The following DLGAP2 variants were observed in gnomAD, a reference collection of about 807,000 sequenced individuals.
DLGAP2 encodes the protein disks large-associated protein 2.
DLGAP2 carries 26 observed loss-of-function variants against 100.3 expected under a neutral mutation model. The observed-to-expected ratio is 0.26, with a 90% CI of 0.19 to 0.36. The LOEUF is 0.36. Among genes scored for constraint, DLGAP2 ranks in the 10% least tolerant of loss-of-function variants. DLGAP2 has a pLI of 1.00. For synonymous variants in DLGAP2, 886 were observed against 630.1 expected (o/e 1.41, Z -6.08); for missense variants, 1,858 against 1,453.2 (o/e 1.28, Z -4.53).
chr8:1,499,528 T>C (rs369216980), intron 3 of DLGAP2, among the ~76,000 whole-genome samples: 13 of 152,318 alleles, frequency 8.5e-5, no homozygotes, highest in East Asian at 3.9e-4. Flanking sequence ...AATGAGACCA[T>C]TCCAGTCTGT....
At chr8:1,499,783 C>T (rs1034178474) in intron 3 of DLGAP2, among the ~76,000 whole-genome samples, 6 of 152,192 alleles carry the variant, frequency 3.9e-5, no homozygotes, top group Admixed American at 1.3e-4. Context: ...ACCTGAGAGG[C>T]GACCGTATCC....
chr8:1,698,568 T>C (rs867232027), intron 14 of DLGAP2, among the ~76,000 whole-genome samples: 23 of 150,158 alleles, frequency 1.5e-4, no homozygotes, highest in Middle Eastern at 3.6e-3. Flanking sequence ...AAGTAAGCCA[T>C]GCATGGGACT....
rs545957466 is a variant in DLGAP2, at chr8:1,298,938, G to A, written c.106+40055G>A. ...GGGGGAGAACCTCTTCCCAGGGCCAGGGTCGAGCTGCGGCATTCACGTCTG... is the reference window on the plus strand; with the variant it reads ...GGGGGAGAACCTCTTCCCAGGGCCAAGGTCGAGCTGCGGCATTCACGTCTG... On this transcript the variant is annotated intron_variant, in intron 3 of 14. Coordinates refer to ENST00000637795, the MANE Select transcript of DLGAP2 (RefSeq NM_001346810.2). Among the ~76,000 whole-genome samples, 65 of 152,206 alleles carry A rather than the reference G, an allele frequency of 4.3e-4. 1 individual carries two copies. Among genetic ancestry groups the A allele is most frequent in the African/African-American group, 1.5e-3 (64 of 41,542 alleles).
chr8:1,191,665 C>G (rs866465735), intron 2 of DLGAP2, among the ~76,000 whole-genome samples: 14 of 152,146 alleles, frequency 9.2e-5, no homozygotes, highest in African/African-American at 2.9e-4. Context: ...AGCTTCAAAA[C>G]ATTAGAAATC....
intron 3 of DLGAP2, among the ~76,000 whole-genome samples, chr8:1,372,176 G>A (rs1449116828): frequency 6.6e-6 from 1 of 151,666 alleles, no homozygotes; most frequent in Non-Finnish European, 1.5e-5. Flanking sequence ...GGTCACCGTG[G>A]CGCCAACGCT....
intron 2 of DLGAP2, among the ~76,000 whole-genome samples, chr8:1,253,015 C>G (rs1448374657): frequency 6.6e-6 from 1 of 152,202 alleles, no homozygotes; most frequent in East Asian, 1.9e-4. Context: ...CCTCCCAGCA[C>G]CAGCCCTCAT....
chr8:767,315 G>A (rs1821239159), intron 1 of DLGAP2, among the ~76,000 whole-genome samples: 1 of 151,618 alleles, frequency 6.6e-6, no homozygotes, highest in African/African-American at 2.4e-5. Flanking sequence ...CAAAGGCACA[G>A]GTACAGGTGT....
At chr8:1,252,684 G>A (rs528783037) in intron 2 of DLGAP2, among the ~76,000 whole-genome samples, 27 of 152,340 alleles carry the variant, frequency 1.8e-4, no homozygotes, top group Non-Finnish European at 2.4e-4. Context: ...AGGTGCTAGC[G>A]AGGCCGCCGG....
At chr8:1,419,676 C>G (rs893983357) in intron 3 of DLGAP2, among the ~76,000 whole-genome samples, 1 of 152,134 alleles carries the variant, frequency 6.6e-6, no homozygotes, top group African/African-American at 2.4e-5. Flanking sequence ...CTGTCTCACT[C>G]CAGTTAGAAT....
At chr8:1,272,882 G>C (rs1799611128) in intron 3 of DLGAP2, among the ~76,000 whole-genome samples, 1 of 152,144 alleles carries the variant, frequency 6.6e-6, no homozygotes, top group Non-Finnish European at 1.5e-5. Flanking sequence ...AGGGTGTGTA[G>C]TTTTCATCAG....
At chr8:772,647 TC>T (rs1466500758) in intron 1 of DLGAP2, among the ~76,000 whole-genome samples, 1 of 152,174 alleles carries the variant, frequency 6.6e-6, no homozygotes, top group Non-Finnish European at 1.5e-5. Flanking sequence ...TACTGTCTTT[TC>T]TTTGGTACTA....
intron 4 of DLGAP2, among the ~76,000 whole-genome samples, chr8:1,506,432 G>A (rs958280371): frequency 1.3e-5 from 2 of 152,290 alleles, no homozygotes; most frequent in Non-Finnish European, 1.5e-5. Context: ...CGTTTTTGGA[G>A]TTTCTTCCTT....
rs201068222 is a variant in DLGAP2, at chr8:1,626,826, C to G, written c.1529C>G (p.Ser510Cys). ...AANYNSPKFR[S>C]RNQSYMRAVS... is the part of the protein sequence containing the mutation. ...AACTACAACTCCCCGAAATTCCGCT[C>G]CCGGAACCAGAGCTACATGAGGGCC... Residue 510 changes from serine (S) to cysteine (C), a missense_variant, in exon 7 of 15, where the codon TCC becomes TGC. Coordinates refer to ENST00000637795, the MANE Select transcript of DLGAP2 (RefSeq NM_001346810.2). The G allele has an allele frequency of 2.5e-6, 4 of 1,606,946 alleles. No homozygotes were observed. Among genetic ancestry groups the G allele is most frequent in the Middle Eastern group, 3.3e-4 (2 of 6,054 alleles).
intron 4 of DLGAP2, among the ~76,000 whole-genome samples, chr8:1,528,823 T>A (rs900341805): frequency 2.0e-5 from 3 of 152,092 alleles, no homozygotes; most frequent in African/African-American, 7.2e-5. Flanking sequence ...GACTGGGAGC[T>A]CCCCTTTTAC....
At chr8:1,698,426 A>C (rs1277573185) in intron 14 of DLGAP2, among the ~76,000 whole-genome samples, 3 of 139,026 alleles carry the variant, frequency 2.2e-5, no homozygotes, top group Admixed American at 2.1e-4. Context: ...TAAGCCATGC[A>C]TGGGAGTAGG....
At chr8:1,163,080 G>T (rs893616204) in intron 2 of DLGAP2, among the ~76,000 whole-genome samples, 19 of 152,188 alleles carry the variant, frequency 1.2e-4, no homozygotes, top group African/African-American at 4.6e-4. Context: ...CGGCTGGTAA[G>T]AGGCCCGGGG....
intron 1 of DLGAP2, among the ~76,000 whole-genome samples, chr8:843,595 G>C (rs1797021160): frequency 6.6e-6 from 1 of 152,238 alleles, no homozygotes; most frequent in Middle Eastern, 3.2e-3. Flanking sequence ...AGATCCTGGG[G>C]CACTTCCCCG....
intron 1 of DLGAP2, among the ~76,000 whole-genome samples, chr8:763,822 G>A (rs755010921): frequency 2.0e-5 from 3 of 152,216 alleles, no homozygotes. Context: ...TGAGGCAAAC[G>A]ATGAAATAGA....
At chr8:1,054,961 C>G (rs1802833986) in intron 2 of DLGAP2, among the ~76,000 whole-genome samples, 1 of 152,148 alleles carries the variant, frequency 6.6e-6, no homozygotes, top group Non-Finnish European at 1.5e-5. Context: ...ATAGTTTTTC[C>G]TCATGAAGCA....
Sources: allele counts gnomAD v4.1 joint callset (sites outside exome capture counted in the v4.1 genomes callset), GRCh38; gene constraint gnomAD v4.1.1; transcripts MANE v1.5; gene names NCBI Gene and HGNC (gene_info 2026-07-23, HGNC 2026-07-21).